Variants in OPRM1 observed in about 807,000 individuals in gnomAD.
OPRM1 encodes mu-type opioid receptor.
A neutral mutation model predicts 31.8 loss-of-function variants in OPRM1; 27 were observed. The ratio of observed to expected loss-of-function variants is 0.85; its 90% confidence interval spans 0.63 to 1.17. OPRM1 has a LOEUF of 1.17. OPRM1 is among the 50% of genes most tolerant of loss of function. The pLI is 0.00. For synonymous variants in OPRM1, 196 were observed against 189.9 expected (o/e 1.03, Z -0.26); for missense variants, 536 against 511.1 (o/e 1.05, Z -0.47).
In OPRM1 at chr6:154,152,334, AGAAAGAAAGAAAG is replaced by A. The variant is rs1470262401; in HGVS notation, c.1164+60876_1164+60888del. Among the ~76,000 whole-genome samples the A allele has an allele frequency of 8.4e-3, 222 of 26,576 alleles. 3 individuals carry two copies. The highest frequency in any genetic ancestry group is 0.022 in the African/African-American group (144 of 6,572). The allele number at this position is 26,576 out of a possible 152,430, so 17.4% of individuals were successfully genotyped here. ...AAGAAAGAAAGAAAGAAAGAAAGAA[AGAAAGAAAGAAAG>A]GAAAGAAAGAAAGAAAGAAAGAAAG... On this transcript the variant is annotated intron_variant, in intron 3 of 3. Coordinates refer to the OPRM1 transcript ENST00000337049.
chr6:154,120,321 C>G lies in OPRM1; in HGVS notation c.*1600C>G, dbSNP rs17174970. ...ATGGATCAGAATAACTGAATTTACT[C>G]TCAGATCTATTGGCTATAGTTATGT... On this transcript the variant is annotated 3_prime_UTR_variant, in exon 4 of 4. Transcript: ENST00000330432. Among the ~76,000 whole-genome samples, 2,356 of 152,188 alleles carry G rather than the reference C, an allele frequency of 0.015. 29 individuals are homozygous for G. Among genetic ancestry groups the G allele is most frequent in the Non-Finnish European group, 0.023 (1,589 of 68,002 alleles).
At chr6:154,228,304 TA>T (rs11303578) in intron 3 of OPRM1, among the ~76,000 whole-genome samples, 82,124 of 146,992 alleles carry the variant, frequency 0.56, 22,655 homozygotes, top group Admixed American at 0.64. Context: ...TGTCTCTGTT[TA>T]AAAAAAAAAA....
intron 3 of OPRM1, chr6:154,108,912 A>G: frequency 1.0e-6 from 1 of 985,112 alleles, no homozygotes; most frequent in Non-Finnish European, 1.2e-6. Context: ...ATTTTAGTCC[A>G]AAAATCCAAC....
chr6:154,181,611 ACCAAGGCTCAGAT>A (rs1800877870), intron 3 of OPRM1, among the ~76,000 whole-genome samples: 1 of 152,222 alleles, frequency 6.6e-6, no homozygotes, highest in Non-Finnish European at 1.5e-5. Context: ...AACTGGACAG[ACCAAGGCTCAGAT>A]CCCTGCTTGA....
intron 3 of OPRM1, among the ~76,000 whole-genome samples, chr6:154,176,017 C>G (rs761796948): frequency 6.6e-6 from 1 of 152,176 alleles, no homozygotes; most frequent in Non-Finnish European, 1.5e-5. Flanking sequence ...ACTGCTTCAA[C>G]GTACCCAAAT....
chr6:154,052,495 G>T (rs1336140142), intron 1 of OPRM1, among the ~76,000 whole-genome samples: 3 of 152,106 alleles, frequency 2.0e-5, no homozygotes, highest in Admixed American at 6.5e-5. Flanking sequence ...ACTTTATATG[G>T]ACACTGACAT....
At chr6:154,199,762 G>C in intron 3 of OPRM1, 1 of 1,614,220 alleles carries the variant, frequency 6.2e-7, no homozygotes, top group Non-Finnish European at 8.5e-7. Context: ...TAGATAAAGA[G>C]TTCAAAAATC....
chr6:154,162,116 T>G (rs1354470158), intron 3 of OPRM1, among the ~76,000 whole-genome samples: 1 of 152,218 alleles, frequency 6.6e-6, no homozygotes, highest in Non-Finnish European at 1.5e-5. Context: ...TTCACAGAGA[T>G]GGAGCATCTG....
At chr6:154,198,899 T>C (rs1234539600) in intron 3 of OPRM1, among the ~76,000 whole-genome samples, 2 of 152,178 alleles carry the variant, frequency 1.3e-5, no homozygotes, top group Non-Finnish European at 2.9e-5. Context: ...CATCATTCTT[T>C]CACTGCTCAG....
chr6:154,074,154 G>T (rs887929466), intron 1 of OPRM1: 25 of 152,154 alleles, frequency 1.6e-4, no homozygotes, highest in Admixed American at 1.1e-3. Flanking sequence ...TTCAATCCTG[G>T]CTCTGACAAC....
chr6:154,116,396 G>A (rs928946310), intron 3 of OPRM1, among the ~76,000 whole-genome samples: 2 of 151,938 alleles, frequency 1.3e-5, no homozygotes, highest in Non-Finnish European at 2.9e-5. Context: ...GACCAGCCTG[G>A]CCAACATGGG....
At chr6:154,068,582 A>G (rs1785964384) in intron 1 of OPRM1, among the ~76,000 whole-genome samples, 1 of 152,178 alleles carries the variant, frequency 6.6e-6, no homozygotes, top group South Asian at 2.1e-4. Flanking sequence ...TATATATACC[A>G]CATTTTCTTT....
chr6:154,164,510 A>G (rs993762123), intron 3 of OPRM1, among the ~76,000 whole-genome samples: 2 of 152,200 alleles, frequency 1.3e-5, no homozygotes, highest in African/African-American at 2.4e-5. Context: ...TGGATGGCGC[A>G]TGAGGCTTTT....
At chr6:154,071,305 G>C (rs1786663915) in intron 1 of OPRM1, among the ~76,000 whole-genome samples, 1 of 152,310 alleles carries the variant, frequency 6.6e-6, no homozygotes, top group East Asian at 1.9e-4. Context: ...GTTTCTGCCT[G>C]CTACAGATAG....
rs71021021 is a variant in OPRM1 at position 154,107,950 on chromosome 6, AT to A, written c.1165-10726del. 0.85 allele frequency: 470,634 copies of A among 551,562 alleles called. 202,405 individuals are homozygous for A. The highest frequency in any genetic ancestry group is 0.94 in the East Asian group (29,637 of 31,638). 34.2% of individuals were successfully genotyped at this position (551,562 alleles called of 1,614,324 possible). On this transcript the variant is annotated intron_variant, in intron 3 of 3. Coordinates refer to ENST00000330432, the MANE Select transcript of OPRM1 (RefSeq NM_000914.5). Reference sequence around the variant, plus strand: ...AACTTTACAGAGGAGATAAACACTGATTTTTTTATTTTATTTTATTTTATTT... The same window carrying A: ...AACTTTACAGAGGAGATAAACACTGATTTTTTATTTTATTTTATTTTATTT...
chr6:154,246,501 C>A, intron 3 of OPRM1: 2 of 1,408,774 alleles, frequency 1.4e-6, no homozygotes, highest in South Asian at 3.0e-5. Context: ...TCCCAGAAAT[C>A]AAAATGAACT....
chr6:154,107,401 C>T (rs963836843), intron 3 of OPRM1: 18 of 711,156 alleles, frequency 2.5e-5, no homozygotes, highest in Non-Finnish European at 3.7e-5. Context: ...TCAGACAGTC[C>T]GCAGAGGAGA....
chr6:154,031,501 G>A (rs1220931959), intron 1 of OPRM1, among the ~76,000 whole-genome samples: 2 of 152,072 alleles, frequency 1.3e-5, no homozygotes, highest in East Asian at 1.9e-4. Context: ...TTGAGAGACC[G>A]AGGCGGGCAG....
At chr6:154,058,944 A>G (rs1016816526) in intron 1 of OPRM1, among the ~76,000 whole-genome samples, 1 of 152,218 alleles carries the variant, frequency 6.6e-6, no homozygotes, top group African/African-American at 2.4e-5. Context: ...TAAATGATGG[A>G]AGTCAGATTT....
Sources: allele counts gnomAD v4.1 joint callset (sites outside exome capture counted in the v4.1 genomes callset), GRCh38; gene constraint gnomAD v4.1.1; transcripts MANE v1.5; gene names NCBI Gene and HGNC (gene_info 2026-07-23, HGNC 2026-07-21).